The following NAV2 variants were observed in gnomAD, a reference collection of about 807,000 sequenced individuals.
The protein encoded by NAV2 is neuron navigator 2.
A neutral mutation model predicts 223.2 loss-of-function variants in NAV2; 54 were observed. That is an observed-to-expected ratio of 0.24 (90% CI 0.19 to 0.30). NAV2 has a LOEUF of 0.30. Among genes scored for constraint, NAV2 ranks in the 10% least tolerant of loss-of-function variants. The probability of loss-of-function intolerance (pLI) is 1.00; values close to 1 mark genes in which losing one functional copy is unlikely to be tolerated. For synonymous variants in NAV2, 1,279 were observed against 1,239.3 expected (o/e 1.03, Z -0.67); for missense variants, 2,806 against 3,147.5 (o/e 0.89, Z 2.60).
At chr11:19,691,983 TGGCCAG>T (rs1225481717) in intron 1 of NAV2, among the ~76,000 whole-genome samples, 2 of 152,360 alleles carry the variant, frequency 1.3e-5, no homozygotes, top group South Asian at 2.1e-4. Flanking sequence ...TGCCACTGTC[TGGCCAG>T]GTGGTTTGAA....
At chr11:19,357,685 A>C (rs56339766) in intron 1 of NAV2, among the ~76,000 whole-genome samples, 2,341 of 152,290 alleles carry the variant, frequency 0.015, 73 homozygotes, top group African/African-American at 0.054. Flanking sequence ...TTCTGGTTTA[A>C]ACTTGTGTTA....
At chr11:19,964,766 G>C (rs143264481) in intron 10 of NAV2, among the ~76,000 whole-genome samples, 2 of 145,896 alleles carry the variant, frequency 1.4e-5, no homozygotes, top group African/African-American at 5.2e-5. Context: ...CTCCCAAAAC[G>C]TTGGGATTAC....
At position 19,676,230 on chromosome 11, in the gene NAV2, C is replaced by T. The variant is rs114135525; in HGVS notation, c.76-156254C>T. Among the ~76,000 whole-genome samples the T allele has an allele frequency of 1.7e-3, 264 of 152,310 alleles. 1 individual carries two copies. The highest frequency in any genetic ancestry group is 6.1e-3 in the African/African-American group (255 of 41,570). On this transcript the variant is annotated intron_variant, in intron 1 of 37. Transcript: ENST00000360655. ...TATTTTAGGTTGCAAGATCTCTTGG[C>T]TCCCACCACATATATTTGAAAAGGA...
intron 11 of NAV2, among the ~76,000 whole-genome samples, chr11:20,017,134 G>A (rs914736095): frequency 2.6e-5 from 4 of 152,194 alleles, no homozygotes; most frequent in Admixed American, 2.0e-4. Flanking sequence ...TGGGGGAGAT[G>A]CAGAGGCACA....
chr11:19,519,328 C>A (rs2702727), intron 1 of NAV2, among the ~76,000 whole-genome samples: 9,434 of 152,082 alleles, frequency 0.062, 967 homozygotes, highest in African/African-American at 0.22. Context: ...GCAGCATGGG[C>A]TCTCGTAAGG....
intron 1 of NAV2, among the ~76,000 whole-genome samples, chr11:19,468,442 C>T (rs1852447075): frequency 6.6e-6 from 1 of 152,118 alleles, no homozygotes; most frequent in Non-Finnish European, 1.5e-5. Flanking sequence ...CATTCTTTGG[C>T]TTGTGACAAC....
chr11:19,895,588 C>A (rs2041909705), intron 6 of NAV2, among the ~76,000 whole-genome samples: 1 of 152,040 alleles, frequency 6.6e-6, no homozygotes, highest in South Asian at 2.1e-4. Context: ...GGATAAGGTA[C>A]CTGTGAGAGT....
chr11:20,048,111 G>A (rs2057631731), intron 14 of NAV2, among the ~76,000 whole-genome samples: 1 of 152,144 alleles, frequency 6.6e-6, no homozygotes, highest in South Asian at 2.1e-4. Context: ...TGTGAACCAA[G>A]CAAGATTTCC....
intron 1 of NAV2, among the ~76,000 whole-genome samples, chr11:19,547,066 A>G (rs576825954): frequency 6.6e-6 from 1 of 152,314 alleles, no homozygotes; most frequent in East Asian, 1.9e-4. Flanking sequence ...CTGCCTTTGA[A>G]TATTGACATG....
chr11:19,486,604 G>T (rs1480954815), intron 1 of NAV2, among the ~76,000 whole-genome samples: 2 of 152,168 alleles, frequency 1.3e-5, no homozygotes, highest in Admixed American at 6.5e-5. Flanking sequence ...AAAGAAGTAC[G>T]TGTTTGCTTC....
chr11:19,601,286 G>A (rs899044939), intron 1 of NAV2, among the ~76,000 whole-genome samples: 1 of 152,088 alleles, frequency 6.6e-6, no homozygotes, highest in Non-Finnish European at 1.5e-5. Flanking sequence ...ACCCTACTTG[G>A]AACATCCTCC....
In NAV2 at chr11:19,550,126, C is replaced by T. The variant is rs73420180; in HGVS notation, c.75+199099C>T. On this transcript the variant is annotated intron_variant, in intron 1 of 37. Transcript: ENST00000360655. ...CTGAAAATGAGATTGTTCTAATACC[C>T]GGAGGCAGCCAGAAAAACTCTGGGA... Among the ~76,000 whole-genome samples, 1,277 of 152,176 alleles carry T rather than the reference C, an allele frequency of 8.4e-3. 17 individuals carry two copies. Among genetic ancestry groups the T allele is most frequent in the African/African-American group, 0.028 (1,142 of 41,520 alleles).
chr11:20,033,631 C>A (rs2056019457), intron 11 of NAV2, among the ~76,000 whole-genome samples: 1 of 152,182 alleles, frequency 6.6e-6, no homozygotes, highest in Admixed American at 6.5e-5. Context: ...CACCTTGGGA[C>A]CACCCTCACA....
intron 1 of NAV2, among the ~76,000 whole-genome samples, chr11:19,521,995 A>G (rs1181801628): frequency 1.3e-5 from 2 of 152,198 alleles, no homozygotes; most frequent in Non-Finnish European, 2.9e-5. Context: ...GATCCAGCTC[A>G]GTGGCCTACT....
At chr11:19,440,591 G>A (rs1188038871) in intron 1 of NAV2, among the ~76,000 whole-genome samples, 1 of 152,134 alleles carries the variant, frequency 6.6e-6, no homozygotes, top group African/African-American at 2.4e-5. Flanking sequence ...CATTTATTTG[G>A]TACTGAGGAT....
At chr11:19,691,664 T>C (rs1260725648) in intron 1 of NAV2, among the ~76,000 whole-genome samples, 1 of 152,072 alleles carries the variant, frequency 6.6e-6, no homozygotes, top group Non-Finnish European at 1.5e-5. Flanking sequence ...GCCTCTCAGG[T>C]TCACACCATT....
intron 1 of NAV2, among the ~76,000 whole-genome samples, chr11:19,741,061 C>T (rs1402502016): frequency 6.6e-6 from 1 of 152,230 alleles, no homozygotes; most frequent in Non-Finnish European, 1.5e-5. Flanking sequence ...GCACCATTTT[C>T]AAAGATGGGA....
At chr11:19,720,952 T>C (rs2037295241) in intron 1 of NAV2, among the ~76,000 whole-genome samples, 1 of 152,238 alleles carries the variant, frequency 6.6e-6, no homozygotes, top group African/African-American at 2.4e-5. Flanking sequence ...GAAGTTACTA[T>C]GAAGATTAAC....
At chr11:19,556,951 G>C (rs950274239) in intron 1 of NAV2, among the ~76,000 whole-genome samples, 2 of 152,084 alleles carry the variant, frequency 1.3e-5, no homozygotes, top group Non-Finnish European at 2.9e-5. Context: ...GGGATTTATG[G>C]ACCTTGATTT....
Sources: allele counts gnomAD v4.1 joint callset (sites outside exome capture counted in the v4.1 genomes callset), GRCh38; gene constraint gnomAD v4.1.1; transcripts MANE v1.5; gene names NCBI Gene and HGNC (gene_info 2026-07-23, HGNC 2026-07-21).